Variants in ABCA5 observed in about 807,000 individuals in gnomAD.
ABCA5 encodes the protein cholesterol transporter ABCA5.
ABCA5 carries 163 observed loss-of-function variants against 206.0 expected under a neutral mutation model. The observed-to-expected ratio is 0.79, with a 90% CI of 0.70 to 0.90. The LOEUF (loss-of-function observed/expected upper bound fraction) is 0.90, where lower values mean the gene tolerates loss of function less well. Ranked by LOEUF, ABCA5 falls within the 40% of genes least tolerant of loss-of-function variation. The pLI, the probability that ABCA5 is intolerant of heterozygous loss-of-function variation, is 0.00. For synonymous variants in ABCA5, 609 were observed against 613.8 expected (o/e 0.99, Z 0.11); for missense variants, 1,859 against 1,912.9 (o/e 0.97, Z 0.53).
At chr17:69,317,683 T>C (rs1366982798) in intron 1 of ABCA5, 1 of 152,128 alleles carries the variant, frequency 6.6e-6, no homozygotes, top group Non-Finnish European at 1.5e-5. Flanking sequence ...AAAATAACAT[T>C]GAATGATCTA....
At position 69,274,835 on chromosome 17, in the gene ABCA5, T is replaced by C. The variant is rs570866913; in HGVS notation, c.2595-707A>G. 2.5e-5 allele frequency among the ~76,000 whole-genome samples: 3 copies of C among 121,416 alleles called. No homozygotes were observed. The East Asian group carries it at 7.3e-4, about 29-fold the overall frequency. The allele number at this position is 121,416 out of a possible 152,430, so 79.7% of individuals were successfully genotyped here. A position where few individuals can be genotyped will look rare whatever the true frequency, so the allele number is the denominator to read the frequency against. ...TCCTGTCCTGTCTCTATCTTAACCA[T>C]TTACTTTTTTTTTTTTTTTTTTTTT... On this transcript the variant is annotated intron_variant, in intron 19 of 38. Transcript: ENST00000392676.
chr17:69,318,213 GC>G (rs2075833392), intron 1 of ABCA5, among the ~76,000 whole-genome samples: 1 of 151,534 alleles, frequency 6.6e-6, no homozygotes, highest in South Asian at 2.1e-4. Flanking sequence ...TCCAACCTCA[GC>G]CTCCCAAGTA....
At chr17:69,256,886 GA>G (rs2075089438) in intron 28 of ABCA5, among the ~76,000 whole-genome samples, 1 of 152,066 alleles carries the variant, frequency 6.6e-6, no homozygotes, top group African/African-American at 2.4e-5. Flanking sequence ...GAAAAAACAT[GA>G]ACCTTGCCCT....
At chr17:69,284,095 T>G in intron 17 of ABCA5, 23 bp from the exon 18 acceptor site, 1 of 1,496,340 alleles carries the variant, frequency 6.7e-7, no homozygotes, top group Non-Finnish European at 9.0e-7. Context: ...AATGAAAGAA[T>G]AGTATATCTT....
At chr17:69,256,007 CAA>C in intron 29 of ABCA5, 148 bp downstream of exon 29, 2 of 1,194,204 alleles carry the variant, frequency 1.7e-6, no homozygotes, top group Non-Finnish European at 2.3e-6. Context: ...CTGGCTTATT[CAA>C]AAGTAAGTAA....
chr17:69,286,365 T>A, intron 15 of ABCA5, 54 bp from the exon 16 acceptor site: 1 of 1,469,490 alleles, frequency 6.8e-7, no homozygotes, highest in Non-Finnish European at 9.3e-7. Flanking sequence ...CATTAATAAT[T>A]GGCATTTACA....
intron 22 of ABCA5, 130 bp from the exon 23 acceptor site, chr17:69,268,186 G>C: frequency 1.8e-6 from 1 of 542,870 alleles, no homozygotes; most frequent in Non-Finnish European, 3.3e-6. Context: ...ATCTAACCCA[G>C]GCATAGTCTA....
At chr17:69,318,114 ATTT>A (rs5821707) in intron 1 of ABCA5, among the ~76,000 whole-genome samples, 11 of 146,512 alleles carry the variant, frequency 7.5e-5, no homozygotes, top group African/African-American at 1.0e-4. Context: ...AAAACTCACA[ATTT>A]TTTTTTTTTT....
In ABCA5 at chr17:69,277,749, G is replaced by A. The variant is rs1449432729; in HGVS notation, c.2486C>T (p.Thr829Ile). Residue 829 changes from threonine (T) to isoleucine (I), a missense_variant, in exon 19 of 39, where the codon ACC becomes ATC. Physicochemically the swap from Thr to Ile is moderately conservative, Grantham distance 89 (BLOSUM62 -1). Transcript: ENST00000392676. The part of the protein sequence containing the change: ...MEQSLLILSE[T>I]KAALVSTMSL... ...CATGGTGCTCACTAGAGCAGCCTTG[G>A]TTTCAGAAAGAATAAGTAAGCTCTG... The A allele has an allele frequency of 6.2e-7, 1 of 1,606,730 alleles. No homozygotes were observed. Among genetic ancestry groups the A allele is most frequent in the Non-Finnish European group, 8.5e-7 (1 of 1,177,964 alleles).
At position 69,268,006 on chromosome 17, in the gene ABCA5, C is replaced by A. The variant is rs770980231; in HGVS notation, c.3081G>T (p.Leu1027Phe). 2 of 1,611,274 alleles carry A rather than the reference C, an allele frequency of 1.2e-6. No homozygotes were observed. Among genetic ancestry groups the A allele is most frequent in the African/African-American group, 1.3e-5 (1 of 74,934 alleles). Residue 1027 changes from leucine to phenylalanine, a missense_variant, in exon 23 of 39, where the codon TTG (leucine) becomes TTT (phenylalanine). Transcript: ENST00000392676. ...FKIELYFQAA[L>F]LGIIVTAMPP... The stretch of plus-strand genomic sequence containing the variant: ...GCATTGCAGTAACAATGATTCCAAG[C>A]AAAGCTGCTTGAAAATACAGCTCAA...
intron 18 of ABCA5, among the ~76,000 whole-genome samples, chr17:69,279,640 A>C (rs2075370297): frequency 1.3e-5 from 2 of 152,162 alleles, no homozygotes; most frequent in African/African-American, 4.8e-5. Context: ...CTATACTACA[A>C]GGCCACAGTA....
chr17:69,291,262 C>G lies in ABCA5; in HGVS notation c.1560G>C (p.Lys520Asn), dbSNP rs779050072. Residue 520 changes from lysine to asparagine, a missense_variant, in exon 12 of 39, where the codon AAG becomes AAC. Physicochemically the swap from Lys to Asn is moderately conservative, Grantham distance 94. Transcript: ENST00000392676. The part of the protein sequence containing the change: ...TALLGHSGTG[K>N]STLMNILCGL... ...CACAAAGAATATTCATCAATGTACT[C>G]TTTCCTGTTCCACTGTGGCCAAGTA... The G allele has an allele frequency of 5.6e-6, 9 of 1,611,178 alleles. No individual in the cohort carries two copies. Among genetic ancestry groups the G allele is most frequent in the Non-Finnish European group, 7.6e-6 (9 of 1,178,374 alleles).
At chr17:69,294,480 C>T (rs559955155) in intron 11 of ABCA5, among the ~76,000 whole-genome samples, 175 bp downstream of exon 11, 2 of 152,156 alleles carry the variant, frequency 1.3e-5, no homozygotes, top group East Asian at 3.9e-4. Flanking sequence ...CAAGAGAACG[C>T]CACTGCACTA....
Position 69,303,783 on chromosome 17 carries a change from A to T in ABCA5, c.931-877T>A, listed in dbSNP as rs1352866169. Among the ~76,000 whole-genome samples, 30 of 6,196 alleles carry T rather than the reference A, an allele frequency of 4.8e-3. 4 individuals carry two copies. The Non-Finnish European group carries it at 0.07, about 14-fold the overall frequency. 4.1% of individuals were successfully genotyped at this position (6,196 alleles called of 152,430 possible). The stretch of plus-strand genomic sequence containing the variant: ...CTAAAAAAAAAAAAAAAAAAAAAAA[A>T]AAATATATATATATATATATATATA... On this transcript the variant is annotated intron_variant, in intron 7 of 38. Transcript: ENST00000392676.
chr17:69,270,122 AAGAT>A (rs1435167896), intron 22 of ABCA5, among the ~76,000 whole-genome samples: 1 of 152,156 alleles, frequency 6.6e-6, no homozygotes, highest in Non-Finnish European at 1.5e-5. Context: ...TGAAAAGAAG[AAGAT>A]AGAAAATATT....
chr17:69,298,599 G>A (rs1012839067), intron 9 of ABCA5, among the ~76,000 whole-genome samples: 6 of 151,880 alleles, frequency 4.0e-5, no homozygotes, highest in African/African-American at 1.5e-4. Context: ...GTAGGGAAAG[G>A]ACACCCTATT....
rs978158122 is a variant in ABCA5 at position 69,326,175 on chromosome 17, G to A, written c.-16+877C>T. 4.6e-5 allele frequency among the ~76,000 whole-genome samples: 7 copies of A among 152,190 alleles called. No individual in the cohort carries two copies. The highest frequency in any genetic ancestry group is 4.6e-4 in the Admixed American group (7 of 15,280). On this transcript the variant is annotated intron_variant, in intron 1 of 38. Coordinates refer to ENST00000392676, the MANE Select transcript of ABCA5 (RefSeq NM_172232.4). This position sits in a 1 kb window ranked among gnomAD's most constrained non-coding sequence, Gnocchi z 4.8. ...TAATAAGTTACTTAACCTCTTTGAG[G>A]CCCATTCTCCACACCTGCCCAACTG...
At chr17:69,251,922 A>G (rs2144890798) in intron 34 of ABCA5, 56 bp from the exon 35 acceptor site, 2 of 1,579,882 alleles carry the variant, frequency 1.3e-6, no homozygotes, top group East Asian at 4.5e-5. Context: ...TTAAAAAAAA[A>G]TGGGTTTTTA....
At chr17:69,271,549 C>T (rs1019226905) in intron 20 of ABCA5, among the ~76,000 whole-genome samples, 2 of 151,984 alleles carry the variant, frequency 1.3e-5, no homozygotes. Context: ...AGTATATCTG[C>T]CTTATAGGTA....
Sources: gnomAD v4.1 joint callset for allele counts (sites outside exome capture counted in the v4.1 genomes callset) on GRCh38, gnomAD v4.1.1 for gene constraint, Gnocchi (gnomAD v3.1) non-coding constraint, MANE v1.5 for transcripts, NCBI Gene and HGNC (gene_info 2026-07-23, HGNC 2026-07-21) for gene names.